The following LRRC1 variants were observed in gnomAD, a reference collection of about 807,000 sequenced individuals.
The protein encoded by LRRC1 is leucine rich repeat containing 1.
Under a neutral mutation model 69.9 loss-of-function variants are expected in LRRC1, and 28 were observed. The ratio of observed to expected loss-of-function variants is 0.40; its 90% confidence interval spans 0.30 to 0.55. The LOEUF (loss-of-function observed/expected upper bound fraction) is 0.55, where lower values mean the gene tolerates loss of function less well. Ranked by LOEUF, LRRC1 falls within the 20% of genes least tolerant of loss-of-function variation. LRRC1 has a pLI of 0.47. For synonymous variants in LRRC1, 236 were observed against 240.2 expected (o/e 0.98, Z 0.16); for missense variants, 498 against 609.0 (o/e 0.82, Z 1.92).
chr6:53,843,225 G>C (rs982567751), intron 2 of LRRC1, among the ~76,000 whole-genome samples: 1 of 151,932 alleles, frequency 6.6e-6, no homozygotes, highest in African/African-American at 2.4e-5. Context: ...TTTGTGTTTT[G>C]CTTCTGTTTT....
intron 10 of LRRC1, among the ~76,000 whole-genome samples, chr6:53,911,625 A>G (rs895275407): frequency 6.6e-6 from 1 of 152,190 alleles, no homozygotes; most frequent in African/African-American, 2.4e-5. Flanking sequence ...GCCTCAGCCA[A>G]CTGCTGACTT....
chr6:53,825,160 G>A (rs1364564706), intron 1 of LRRC1, among the ~76,000 whole-genome samples: 3 of 152,178 alleles, frequency 2.0e-5, no homozygotes, highest in South Asian at 4.1e-4. Context: ...CATGCATGGG[G>A]AGAGATAATG....
intron 1 of LRRC1, among the ~76,000 whole-genome samples, chr6:53,820,644 T>C (rs1184964326): frequency 6.6e-6 from 1 of 151,900 alleles, no homozygotes; most frequent in Non-Finnish European, 1.5e-5. Context: ...CAGGATACTG[T>C]AAGAGGTTAT....
At chr6:53,818,864 G>A (rs1765030353) in intron 1 of LRRC1, among the ~76,000 whole-genome samples, 1 of 151,970 alleles carries the variant, frequency 6.6e-6, no homozygotes, top group South Asian at 2.1e-4. Context: ...TATTTTTTGG[G>A]GTGTGAATTA....
At chr6:53,810,599 G>A (rs1336103406) in intron 1 of LRRC1, among the ~76,000 whole-genome samples, 1 of 151,386 alleles carries the variant, frequency 6.6e-6, no homozygotes, top group African/African-American at 2.4e-5. Flanking sequence ...CAGCCTGGGC[G>A]ACAGAGCGAG....
chr6:53,882,753 C>T, intron 3 of LRRC1, 134 bp from the exon 4 acceptor site: 4 of 571,816 alleles, frequency 7.0e-6, no homozygotes, highest in Non-Finnish European at 1.2e-5. Flanking sequence ...ACAAGGCAAA[C>T]ATGCCATATA....
chr6:53,884,135 A>G, intron 4 of LRRC1: 1 of 622,396 alleles, frequency 1.6e-6, no homozygotes, highest in South Asian at 1.9e-5. Flanking sequence ...TTGCAGAGAA[A>G]ACAGTGGTAT....
At chr6:53,855,256 A>G (rs936660026) in intron 2 of LRRC1, among the ~76,000 whole-genome samples, 1 of 152,236 alleles carries the variant, frequency 6.6e-6, no homozygotes, top group African/African-American at 2.4e-5. Context: ...GTATCATACC[A>G]TGAACATTAA....
intron 2 of LRRC1, among the ~76,000 whole-genome samples, chr6:53,873,295 T>C (rs114631367): frequency 0.19 from 28,136 of 150,838 alleles, 2,899 homozygotes; most frequent in Middle Eastern, 0.33. Flanking sequence ...TTTTCTTTTT[T>C]TTTTTTTTTT....
intron 1 of LRRC1, among the ~76,000 whole-genome samples, chr6:53,799,084 C>T (rs3003498): frequency 0.23 from 35,369 of 152,128 alleles, 4,283 homozygotes; most frequent in East Asian, 0.26. Context: ...TAGTAGGCAG[C>T]ACATATTTTA....
At chr6:53,829,867 T>A (rs75544196) in intron 1 of LRRC1, among the ~76,000 whole-genome samples, 28,990 of 152,194 alleles carry the variant, frequency 0.19, 2,999 homozygotes, top group Middle Eastern at 0.33. Context: ...ACTTTGGGAT[T>A]ATGATTGGGA....
chr6:53,797,681 C>T (rs538083319), intron 1 of LRRC1, among the ~76,000 whole-genome samples: 3 of 152,274 alleles, frequency 2.0e-5, no homozygotes, highest in African/African-American at 7.2e-5. Flanking sequence ...AAGGGGAAGC[C>T]GGTACCCCTT....
Position 53,795,247 on chromosome 6 carries a change from G to A in LRRC1, c.-10G>A. Reference sequence around the variant, plus strand: ...GCTCGGGACCCGGCTAGGCGGCGGCGGGGGCGGCGATGTTCCACTGCATCC... The same window carrying A: ...GCTCGGGACCCGGCTAGGCGGCGGCAGGGGCGGCGATGTTCCACTGCATCC... On this transcript the variant is annotated 5_prime_UTR_variant, in exon 1 of 14. Transcript: ENST00000370888. 1 of 1,598,424 alleles carries A rather than the reference G, an allele frequency of 6.3e-7. No individual in the cohort carries two copies. Among genetic ancestry groups the A allele is most frequent in the Non-Finnish European group, 8.5e-7 (1 of 1,174,988 alleles).
intron 1 of LRRC1, among the ~76,000 whole-genome samples, chr6:53,803,586 G>GTT (rs1562022090): frequency 7.1e-6 from 1 of 141,478 alleles, no homozygotes; most frequent in Non-Finnish European, 1.6e-5. Context: ...GTGTGTGTGT[G>GTT]TATGTGTGTG....
At chr6:53,848,417 A>G (rs1285974405) in intron 2 of LRRC1, among the ~76,000 whole-genome samples, 1 of 152,238 alleles carries the variant, frequency 6.6e-6, no homozygotes, top group Non-Finnish European at 1.5e-5. Context: ...CCATTCTGCA[A>G]ATTTCAGCGA....
intron 13 of LRRC1, among the ~76,000 whole-genome samples, chr6:53,921,724 C>A (rs533783574): frequency 2.6e-5 from 4 of 152,128 alleles, no homozygotes; most frequent in Admixed American, 2.6e-4. Context: ...TACTTGCAGC[C>A]CCCAAAACAA....
chr6:53,881,959 A>C (rs1478724858), intron 3 of LRRC1, among the ~76,000 whole-genome samples: 3 of 152,238 alleles, frequency 2.0e-5, no homozygotes, highest in African/African-American at 7.2e-5. Context: ...TGTAGACTTT[A>C]AGGGACATAT....
intron 13 of LRRC1, among the ~76,000 whole-genome samples, chr6:53,921,515 AT>A (rs1308937265): frequency 3.9e-5 from 6 of 152,102 alleles, no homozygotes; most frequent in Admixed American, 1.3e-4. Context: ...TCTTAGTTGG[AT>A]TAGTTAACAA....
chr6:53,823,782 GGCC>G (rs1396033783), intron 1 of LRRC1, among the ~76,000 whole-genome samples: 2 of 152,164 alleles, frequency 1.3e-5, no homozygotes, highest in Admixed American at 1.3e-4. Flanking sequence ...TGAGGATAAT[GGCC>G]GCCATCCCAT....
Sources: allele counts gnomAD v4.1 joint callset (sites outside exome capture counted in the v4.1 genomes callset), GRCh38; gene constraint gnomAD v4.1.1; transcripts MANE v1.5; gene names NCBI Gene and HGNC (gene_info 2026-07-23, HGNC 2026-07-21).